CMSS1: variants seen among roughly 807,000 people sequenced by gnomAD.
CMSS1 encodes protein CMSS1.
CMSS1 carries 33 observed loss-of-function variants against 43.5 expected under a neutral mutation model. That is an observed-to-expected ratio of 0.76 (90% CI 0.57 to 1.01). The LOEUF (loss-of-function observed/expected upper bound fraction) is 1.01, where lower values mean the gene tolerates loss of function less well. Among genes scored for constraint, CMSS1 ranks in the 50% least tolerant of loss-of-function variants. The pLI, the probability that CMSS1 is intolerant of heterozygous loss-of-function variation, is 0.00. For synonymous variants in CMSS1, 115 were observed against 117.2 expected (o/e 0.98, Z 0.12); for missense variants, 313 against 326.4 (o/e 0.96, Z 0.32).
intron 1 of CMSS1, among the ~76,000 whole-genome samples, chr3:100,078,281 C>T (rs1433871834): frequency 6.6e-6 from 1 of 152,124 alleles, no homozygotes; most frequent in Non-Finnish European, 1.5e-5. Context: ...TAGAAATGCA[C>T]CCTTGCATTT....
intron 1 of CMSS1, among the ~76,000 whole-genome samples, chr3:99,904,768 C>T (rs370542373): frequency 1.4e-4 from 21 of 152,278 alleles, no homozygotes; most frequent in African/African-American, 5.1e-4. Flanking sequence ...TTCTATCCAT[C>T]CTCTTTTGCT....
chr3:99,818,178 C>A, intron 1 of CMSS1, 135 bp downstream of exon 1: 1 of 737,340 alleles, frequency 1.4e-6, no homozygotes, highest in South Asian at 1.6e-5. Context: ...GCAAGCATCT[C>A]GGGGAAAATG....
In CMSS1 at chr3:100,167,787, G is replaced by C. The variant is rs375895581; in HGVS notation, c.465G>C (p.Ser155=). The C allele has an allele frequency of 3.2e-5, 52 of 1,613,314 alleles. No homozygotes were observed. The South Asian group carries it at 4.9e-4, about 15-fold the overall frequency. The part of the protein sequence containing the change: ...KLRKNHSEKK[S]VLMLIICSSA... ...GGAAGAACCACAGTGAGAAGAAATC[G>C]GTCCTGATGCTGATCATCTGCAGCT... Residue 155 remains serine (S), a synonymous_variant, in exon 6 of 10, where the codon TCG becomes TCC. Transcript: ENST00000421999.
intron 1 of CMSS1, among the ~76,000 whole-genome samples, chr3:99,864,270 CATT>C (rs1318050681): frequency 1.3e-5 from 2 of 152,052 alleles, no homozygotes; most frequent in African/African-American, 4.8e-5. Context: ...GCAAGGCCAT[CATT>C]ATGGTGGCCC....
intron 1 of CMSS1, among the ~76,000 whole-genome samples, chr3:99,997,649 G>T (rs1709722161): frequency 6.6e-6 from 1 of 152,146 alleles, no homozygotes; most frequent in African/African-American, 2.4e-5. Context: ...AAAGTAAAAA[G>T]AATATTTCAG....
chr3:100,115,063 A>G (rs2066546706), intron 1 of CMSS1: 2 of 1,120,608 alleles, frequency 1.8e-6, no homozygotes, highest in Admixed American at 2.0e-5. Context: ...AAACCTTCAT[A>G]CTTAGGATTG....
At chr3:100,142,967 T>C (rs527686812) in intron 1 of CMSS1, among the ~76,000 whole-genome samples, 3 of 152,278 alleles carry the variant, frequency 2.0e-5, no homozygotes, top group South Asian at 2.1e-4. Context: ...CCAGTACACA[T>C]TGTAAGACAA....
chr3:100,045,300 A>G (rs551009274), intron 1 of CMSS1, among the ~76,000 whole-genome samples: 5 of 152,380 alleles, frequency 3.3e-5, no homozygotes, highest in East Asian at 1.9e-4. Context: ...AGCACTCAAT[A>G]TATGGTAATT....
chr3:99,927,701 T>A (rs1707339973), intron 1 of CMSS1, among the ~76,000 whole-genome samples: 1 of 152,122 alleles, frequency 6.6e-6, no homozygotes, highest in Admixed American at 6.6e-5. Flanking sequence ...TTGGAAGAAC[T>A]AAGAATACCT....
intron 1 of CMSS1, among the ~76,000 whole-genome samples, chr3:100,067,650 T>G (rs1040495579): frequency 6.6e-6 from 1 of 152,202 alleles, no homozygotes. Context: ...TCTAGATGAT[T>G]CAATTTTCAG....
chr3:100,112,804 C>CTCTT (rs2066512788), intron 1 of CMSS1, among the ~76,000 whole-genome samples: 1 of 152,172 alleles, frequency 6.6e-6, no homozygotes, highest in Non-Finnish European at 1.5e-5. Flanking sequence ...TAACAAACAG[C>CTCTT]TCTTACAGTA....
At chr3:100,094,674 CTTTTTTTTTTTTT>C (rs71132509) in intron 1 of CMSS1, among the ~76,000 whole-genome samples, 12 of 57,010 alleles carry the variant, frequency 2.1e-4, no homozygotes, top group Admixed American at 8.1e-4. Flanking sequence ...GAAAAGCTGC[CTTTTTTTTTTTTT>C]TTTTTTTTTT....
At chr3:99,983,462 G>GTATATGTATATATATATGTATA (rs1466852207) in intron 1 of CMSS1, among the ~76,000 whole-genome samples, 3 of 11,998 alleles carry the variant, frequency 2.5e-4, no homozygotes, top group African/African-American at 6.5e-4. Flanking sequence ...ATATATATGT[G>GTATATGTATATATATATGTATA]TGTATATATA....
intron 1 of CMSS1, among the ~76,000 whole-genome samples, chr3:100,065,706 G>C (rs1489949190): frequency 6.6e-6 from 1 of 152,130 alleles, no homozygotes; most frequent in Non-Finnish European, 1.5e-5. Context: ...TCCTTGCTAT[G>C]TCATCACCAC....
chr3:100,166,608 C>G (rs1343246008), intron 5 of CMSS1, among the ~76,000 whole-genome samples: 2 of 152,188 alleles, frequency 1.3e-5, no homozygotes, highest in African/African-American at 4.8e-5. Flanking sequence ...AATTTCCTAT[C>G]TGAAAAATAA....
chr3:100,048,878 T>C (rs1490353789), intron 1 of CMSS1, among the ~76,000 whole-genome samples: 1 of 152,220 alleles, frequency 6.6e-6, no homozygotes, highest in East Asian at 1.9e-4. Context: ...GTTGATATGA[T>C]GGCCTAGACT....
At chr3:99,956,682 C>G (rs1264327218) in intron 1 of CMSS1, among the ~76,000 whole-genome samples, 2 of 152,214 alleles carry the variant, frequency 1.3e-5, no homozygotes, top group East Asian at 3.8e-4. Context: ...AGCATCGCCT[C>G]TTAAATCTTG....
chr3:99,974,805 C>T (rs542222399), intron 1 of CMSS1, among the ~76,000 whole-genome samples: 23 of 152,276 alleles, frequency 1.5e-4, no homozygotes, highest in African/African-American at 5.3e-4. Flanking sequence ...TACTTATATT[C>T]AAATAAAGAT....
At chr3:99,986,370 G>A (rs185838905) in intron 1 of CMSS1, among the ~76,000 whole-genome samples, 43 of 152,230 alleles carry the variant, frequency 2.8e-4, no homozygotes, top group Admixed American at 7.2e-4. Context: ...AGAATAGTAT[G>A]TGTGCTTCAG....
Sources: gnomAD v4.1 joint callset for allele counts (sites outside exome capture counted in the v4.1 genomes callset) on GRCh38, gnomAD v4.1.1 for gene constraint, MANE v1.5 for transcripts, NCBI Gene and HGNC (gene_info 2026-07-23, HGNC 2026-07-21) for gene names.